The following KCTD16 variants were observed in gnomAD, a reference collection of about 807,000 sequenced individuals.
KCTD16 encodes potassium channel tetramerization domain containing 16.
A neutral mutation model predicts 33.2 loss-of-function variants in KCTD16; 13 were observed. The ratio of observed to expected loss-of-function variants is 0.39; its 90% CI spans 0.25 to 0.62. The LOEUF (loss-of-function observed/expected upper bound fraction) is 0.62, where lower values mean the gene tolerates loss of function less well. Among genes scored for constraint, KCTD16 ranks in the 20% least tolerant of loss-of-function variants. The pLI, the probability that KCTD16 is intolerant of heterozygous loss-of-function variation, is 0.50. For missense variants in KCTD16, 441 were observed against 525.1 expected (o/e 0.84, Z 1.57); for synonymous variants, 197 against 195.3 (o/e 1.01, Z -0.07).
intron 3 of KCTD16, among the ~76,000 whole-genome samples, chr5:144,377,088 A>G (rs1752109292): frequency 6.6e-6 from 1 of 152,018 alleles, no homozygotes; most frequent in African/African-American, 2.4e-5. Context: ...CTCATTTCCT[A>G]CCCCATTTCC....
At chr5:144,461,024 T>C (rs999760981) in intron 3 of KCTD16, among the ~76,000 whole-genome samples, 1 of 152,202 alleles carries the variant, frequency 6.6e-6, no homozygotes, top group African/African-American at 2.4e-5. Context: ...AGTGGGATCT[T>C]ACTTTCCAGG....
At chr5:144,256,147 A>C (rs560821743) in intron 3 of KCTD16, among the ~76,000 whole-genome samples, 2 of 152,326 alleles carry the variant, frequency 1.3e-5, no homozygotes, top group Admixed American at 6.5e-5. Context: ...TTGGATCTAC[A>C]TACCTTCTTT....
chr5:144,365,969 A>G (rs940663958), intron 3 of KCTD16, among the ~76,000 whole-genome samples: 4 of 152,206 alleles, frequency 2.6e-5, no homozygotes, highest in Non-Finnish European at 5.9e-5. Context: ...TGCTAGAAAG[A>G]TACTCAAGAA....
intron 3 of KCTD16, among the ~76,000 whole-genome samples, chr5:144,465,139 T>C (rs1437408771): frequency 6.6e-6 from 1 of 151,682 alleles, no homozygotes; most frequent in Non-Finnish European, 1.5e-5. Flanking sequence ...GATAGGTGTT[T>C]GATAAATGTA....
rs75745302 is a variant in KCTD16 at position 144,331,327 on chromosome 5, G to A, written c.832+123781G>A. The stretch of plus-strand genomic sequence containing the variant: ...GACCTCAAGGCACAGCACCATTACA[G>A]GACTGGCCATTTCAGTAACACATAG... On this transcript the variant is annotated intron_variant, in intron 3 of 3. Transcript: ENST00000512467. Among the ~76,000 whole-genome samples the A allele has an allele frequency of 9.8e-3, 1,492 of 152,234 alleles. 22 individuals carry two copies. Among genetic ancestry groups the A allele is most frequent in the African/African-American group, 0.034 (1,402 of 41,522 alleles).
At chr5:144,414,181 T>C (rs58533933) in intron 3 of KCTD16, among the ~76,000 whole-genome samples, 8,125 of 152,234 alleles carry the variant, frequency 0.053, 743 homozygotes, top group African/African-American at 0.18. Context: ...AGTGGAGGCA[T>C]GATACCCTGT....
At chr5:144,249,587 A>G (rs1463994241) in intron 3 of KCTD16, among the ~76,000 whole-genome samples, 1 of 152,194 alleles carries the variant, frequency 6.6e-6, no homozygotes, top group Admixed American at 6.5e-5. Context: ...TTATAATAAA[A>G]TCTTTAAAAA....
chr5:144,210,978 A>G (rs556614873), intron 3 of KCTD16, among the ~76,000 whole-genome samples: 1 of 152,296 alleles, frequency 6.6e-6, no homozygotes, highest in East Asian at 1.9e-4. Context: ...ATGGAAACAG[A>G]CACACTGATT....
chr5:144,299,072 A>ATT (rs1554085837), intron 3 of KCTD16, among the ~76,000 whole-genome samples: 30 of 57,426 alleles, frequency 5.2e-4, no homozygotes, highest in African/African-American at 1.5e-3. Flanking sequence ...ATATATATAT[A>ATT]TTTTTGTATA....
chr5:144,339,136 T>A (rs1007036397), intron 3 of KCTD16, among the ~76,000 whole-genome samples: 3 of 152,192 alleles, frequency 2.0e-5, no homozygotes, highest in African/African-American at 7.2e-5. Flanking sequence ...AAGCCCTTAC[T>A]CTGTACCAGG....
Position 144,480,623 on chromosome 5 carries a change from A to G in KCTD16, c.*6509A>G, listed in dbSNP as rs1754687055. ...ATGTGCATTTAAGGCCGTGGCTCTC[A>G]ACCAGGAGTGGTTTTGCATACCAGA... is the stretch of plus-strand genomic sequence containing the variant. On this transcript the variant is annotated 3_prime_UTR_variant, in exon 4 of 4. Transcript: ENST00000512467. The G allele has an allele frequency of 1.3e-5, 2 of 151,898 alleles. No individual in the cohort carries two copies. Among genetic ancestry groups the G allele is most frequent in the African/African-American group, 4.8e-5 (2 of 41,400 alleles). The allele number at this position is 151,898 out of a possible 1,614,324, so 9.4% of individuals were successfully genotyped here. A position where few individuals can be genotyped will look rare whatever the true frequency, so the allele number is the denominator to read the frequency against.
rs1376981652 is a variant in KCTD16, at chr5:144,477,036, G to A, written c.*2922G>A. On this transcript the variant is annotated 3_prime_UTR_variant, in exon 4 of 4. Coordinates refer to ENST00000512467, the MANE Select transcript of KCTD16 (RefSeq NM_020768.4). ...TAGATTGCCTTCTGGGAAATCCCGC[G>A]ATACTAAAATCCAGTGAGCTTTGGG... The A allele has an allele frequency of 1.3e-5, 2 of 152,056 alleles. No individual in the cohort carries two copies. Among genetic ancestry groups the A allele is most frequent in the African/African-American group, 2.4e-5 (1 of 41,404 alleles). 9.4% of individuals were successfully genotyped at this position (152,056 alleles called of 1,614,324 possible). A position where few individuals can be genotyped will look rare whatever the true frequency, so the allele number is the denominator to read the frequency against.
chr5:144,373,428 A>G (rs1407584245), intron 3 of KCTD16, among the ~76,000 whole-genome samples: 3 of 152,192 alleles, frequency 2.0e-5, no homozygotes, highest in Non-Finnish European at 4.4e-5. Context: ...ATCAATTTTC[A>G]GCTTGTGAAA....
intron 3 of KCTD16, among the ~76,000 whole-genome samples, chr5:144,387,257 A>G (rs746090939): frequency 1.1e-4 from 16 of 150,344 alleles, no homozygotes; most frequent in Non-Finnish European, 2.1e-4. Context: ...GATTACAGGC[A>G]TGAGCCACTG....
chr5:144,273,240 G>A (rs1433833008), intron 3 of KCTD16, among the ~76,000 whole-genome samples: 1 of 151,908 alleles, frequency 6.6e-6, no homozygotes, highest in Non-Finnish European at 1.5e-5. Context: ...TAATCACTAG[G>A]GAAATACAAA....
intron 3 of KCTD16, among the ~76,000 whole-genome samples, chr5:144,223,362 T>C (rs1186722189): frequency 6.6e-6 from 1 of 152,046 alleles, no homozygotes. Flanking sequence ...TCTAAAGACA[T>C]CATTAAAGTA....
intron 3 of KCTD16, among the ~76,000 whole-genome samples, chr5:144,219,113 C>T (rs1457555196): frequency 6.6e-6 from 1 of 152,214 alleles, no homozygotes; most frequent in Non-Finnish European, 1.5e-5. Context: ...GGAAGCTTCT[C>T]TCATGGCAGC....
At chr5:144,395,939 C>A (rs945491177) in intron 3 of KCTD16, among the ~76,000 whole-genome samples, 5 of 152,328 alleles carry the variant, frequency 3.3e-5, no homozygotes, top group African/African-American at 1.2e-4. Context: ...CATTGGAACA[C>A]AGTCATATCT....
At chr5:144,400,733 T>C (rs189679895) in intron 3 of KCTD16, among the ~76,000 whole-genome samples, 57 of 152,278 alleles carry the variant, frequency 3.7e-4, no homozygotes, top group African/African-American at 1.3e-3. Flanking sequence ...CAAGAAAATA[T>C]TATATTTATA....
Sources: allele counts gnomAD v4.1 joint callset (sites outside exome capture counted in the v4.1 genomes callset), GRCh38; gene constraint gnomAD v4.1.1; transcripts MANE v1.5; gene names NCBI Gene and HGNC (gene_info 2026-07-23, HGNC 2026-07-21).